FBXW8: variants seen among roughly 807,000 people sequenced by gnomAD.
FBXW8 encodes the protein F-box and WD repeat domain containing 8.
FBXW8 carries 57 observed loss-of-function variants against 65.3 expected under a neutral mutation model. The ratio of observed to expected loss-of-function variants is 0.87; its 90% CI spans 0.71 to 1.09. The LOEUF (loss-of-function observed/expected upper bound fraction) is 1.09. Among genes scored for constraint, FBXW8 ranks in the 50% least tolerant of loss-of-function variants. FBXW8 has a pLI of 0.00. For synonymous variants in FBXW8, 308 were observed against 330.2 expected (o/e 0.93, Z 0.73); for missense variants, 777 against 814.8 (o/e 0.95, Z 0.57).
At chr12:116,975,316 G>A (rs938813466) in intron 5 of FBXW8, among the ~76,000 whole-genome samples, 34 of 152,214 alleles carry the variant, frequency 2.2e-4, no homozygotes, top group Non-Finnish European at 3.5e-4. Context: ...GACATTTCTG[G>A]AGGCTGGAAA....
intron 1 of FBXW8, among the ~76,000 whole-genome samples, chr12:116,922,663 A>G (rs1213342763): frequency 1.3e-5 from 2 of 152,234 alleles, no homozygotes; most frequent in African/African-American, 4.8e-5. Context: ...ATTAGCACAT[A>G]GGAATACAAA....
At chr12:116,952,496 A>G (rs904594809) in intron 4 of FBXW8, among the ~76,000 whole-genome samples, 1 of 151,676 alleles carries the variant, frequency 6.6e-6, no homozygotes, top group Non-Finnish European at 1.5e-5. Context: ...TTTAAGGCCT[A>G]CTCCAGTCCT....
intron 2 of FBXW8, among the ~76,000 whole-genome samples, chr12:116,937,814 T>C (rs1260140103): frequency 6.6e-6 from 1 of 151,300 alleles, no homozygotes; most frequent in Non-Finnish European, 1.5e-5. Context: ...GTAACCCTAA[T>C]CCAGGCAGAG....
Position 116,985,311 on chromosome 12 carries a change from T to C in FBXW8, c.941T>C (p.Val314Ala). Residue 314 changes from valine to alanine, a missense_variant, in exon 6 of 11, where the codon GTG becomes GCG. Val to Ala is a moderately conservative substitution (Grantham distance 64). Coordinates refer to ENST00000652555, the MANE Select transcript of FBXW8 (RefSeq NM_153348.3). ...GCCCTCAGCCAGGACGATGCAACCG[T>C]GGCCACAGCTTCTGCTTTTGATGTC... ...ALALSQDDATVATASAFDVVM... is the reference protein window; with the variant it reads ...ALALSQDDATAATASAFDVVM... 1 of 1,614,214 alleles carries C rather than the reference T, an allele frequency of 6.2e-7. No homozygotes were observed. Among genetic ancestry groups the C allele is most frequent in the Non-Finnish European group, 8.5e-7 (1 of 1,180,038 alleles).
Position 117,024,289 on chromosome 12 carries a change from A to G in FBXW8, c.1510A>G (p.Met504Val). The change falls in exon 9 of 11, where the codon ATG (methionine) becomes GTG (valine). Residue 504 changes from methionine (M) to valine (V), a missense_variant. Physicochemically the swap from Met to Val is conservative, Grantham distance 21 (BLOSUM62 1). Coordinates refer to ENST00000652555, the MANE Select transcript of FBXW8 (RefSeq NM_153348.3). ...CCTGGTGTCCGTGTGGGATTATCGG[A>G]TGAACCAGAAGCTGTGGGAGGTGTA... ...EGLVSVWDYR[M>V]NQKLWEVYSG... 1 of 1,614,192 alleles carries G rather than the reference A, an allele frequency of 6.2e-7. No homozygotes were observed. The highest frequency in any genetic ancestry group is 2.2e-5 in the East Asian group (1 of 44,884).
At chr12:117,010,894 T>C (rs1450885935) in intron 8 of FBXW8, among the ~76,000 whole-genome samples, 3 of 152,196 alleles carry the variant, frequency 2.0e-5, no homozygotes, top group Non-Finnish European at 4.4e-5. Flanking sequence ...CCTCTGGTGA[T>C]GGAAGGAAAG....
At chr12:116,997,556 C>T (rs1020049024) in intron 7 of FBXW8, among the ~76,000 whole-genome samples, 5 of 152,130 alleles carry the variant, frequency 3.3e-5, no homozygotes, top group Non-Finnish European at 5.9e-5. Context: ...TGTTAGGTGC[C>T]TCCTTCACCC....
chr12:116,935,989 AG>A (rs1451020800), intron 2 of FBXW8, among the ~76,000 whole-genome samples: 1 of 151,264 alleles, frequency 6.6e-6, no homozygotes, highest in Non-Finnish European at 1.5e-5. Flanking sequence ...AAGACAGCTG[AG>A]AATAAAACAT....
intron 4 of FBXW8, among the ~76,000 whole-genome samples, chr12:116,954,133 A>AAAAAAAAAAAAAAAAAAAAAAAAT: frequency 7.0e-6 from 1 of 142,726 alleles, no homozygotes. Flanking sequence ...AAAAAAAAAA[A>AAAAAAAAAAAAAAAAAAAAAAAAT]AGAAAAAGCA....
At chr12:116,988,064 G>T (rs369078959) in intron 6 of FBXW8, among the ~76,000 whole-genome samples, 5 of 152,190 alleles carry the variant, frequency 3.3e-5, no homozygotes, top group Non-Finnish European at 7.3e-5. Flanking sequence ...GTATTCCAGC[G>T]TATAGATACA....
rs189912079 is a variant in FBXW8 at position 116,941,380 on chromosome 12, T to C, written c.424-3984T>C. Among the ~76,000 whole-genome samples, 5 of 152,350 alleles carry C rather than the reference T, an allele frequency of 3.3e-5. No homozygotes were observed. In the East Asian group the frequency reaches 9.6e-4, roughly 29 times the overall value. On this transcript the variant is annotated intron_variant, in intron 2 of 10. Coordinates refer to ENST00000652555, the MANE Select transcript of FBXW8 (RefSeq NM_153348.3). ...TCAGAAAAATGACAGCTTTGTCACT[T>C]ATTTATGCCACGTGATCTAACTTCG...
At chr12:116,932,414 A>G (rs1434195457) in intron 2 of FBXW8, among the ~76,000 whole-genome samples, 1 of 152,246 alleles carries the variant, frequency 6.6e-6, no homozygotes, top group African/African-American at 2.4e-5. Context: ...TATGAAGTTC[A>G]GCATATGAAG....
chr12:116,958,810 A>G (rs1883808131), intron 4 of FBXW8, among the ~76,000 whole-genome samples: 1 of 152,264 alleles, frequency 6.6e-6, no homozygotes, highest in African/African-American at 2.4e-5. Context: ...CTCACTCCCC[A>G]ACCAGTAGTG....
At chr12:116,955,149 G>A (rs551121017) in intron 4 of FBXW8, among the ~76,000 whole-genome samples, 36 of 151,986 alleles carry the variant, frequency 2.4e-4, no homozygotes, top group African/African-American at 7.2e-4. Flanking sequence ...CCCCTTCGGC[G>A]ATTCCACACT....
rs551097106 is a variant in FBXW8, at chr12:117,014,701, T to C, written c.1367+4251T>C. ...CAGTTTGCTTTCCAAAGCTGTTCAA[T>C]TTCTATGCTGTTTTTGGTCTGCGCA... On this transcript the variant is annotated intron_variant, in intron 8 of 10. Coordinates refer to ENST00000652555, the MANE Select transcript of FBXW8 (RefSeq NM_153348.3). Among the ~76,000 whole-genome samples the C allele has an allele frequency of 1.6e-4, 24 of 152,306 alleles. No individual in the cohort carries two copies. The East Asian group carries it at 4.6e-3, about 29-fold the overall frequency.
intron 7 of FBXW8, among the ~76,000 whole-genome samples, chr12:116,993,098 C>CTTTTTTTTT (rs71099026): frequency 5.5e-4 from 47 of 85,400 alleles, no homozygotes; most frequent in Non-Finnish European, 7.6e-4. Context: ...TGATTTTTGA[C>CTTTTTTTTT]TTTTTTTTTT....
At chr12:116,969,705 C>T (rs773270676) in intron 5 of FBXW8, among the ~76,000 whole-genome samples, 2 of 151,720 alleles carry the variant, frequency 1.3e-5, no homozygotes, top group Non-Finnish European at 2.9e-5. Flanking sequence ...CGCTGGTCTA[C>T]ACGCACATTC....
In FBXW8 at chr12:117,030,927, C is replaced by T. The variant is rs1265410811; in HGVS notation, c.*2755C>T. 6.6e-6 allele frequency: 1 copy of T among 152,162 alleles called. No individual in the cohort carries two copies. The highest frequency in any genetic ancestry group is 1.5e-5 in the Non-Finnish European group (1 of 67,988). 9.4% of individuals were successfully genotyped at this position (152,162 alleles called of 1,614,324 possible). A position where few individuals can be genotyped will look rare whatever the true frequency, so the allele number is the denominator to read the frequency against. ...ATCCAGACCCTTTCACAAACAAGTT[C>T]TGAGTTTTTAGCCAATTGATCCTCT... On this transcript the variant is annotated 3_prime_UTR_variant, in exon 11 of 11. Transcript: ENST00000652555.
intron 8 of FBXW8, among the ~76,000 whole-genome samples, chr12:117,019,769 G>A (rs143269776): frequency 1.3e-5 from 2 of 152,238 alleles, no homozygotes; most frequent in African/African-American, 4.8e-5. Flanking sequence ...ATGAATTCTT[G>A]TTTTTTAAAC....
Sources: gnomAD v4.1 joint callset for allele counts (sites outside exome capture counted in the v4.1 genomes callset) on GRCh38, gnomAD v4.1.1 for gene constraint, MANE v1.5 for transcripts, NCBI Gene and HGNC (gene_info 2026-07-23, HGNC 2026-07-21) for gene names.